The following SLC8A1 variants were observed in gnomAD, a reference collection of about 807,000 sequenced individuals.
SLC8A1 encodes solute carrier family 8 member A1, also known as sodium/calcium exchanger 1.
A neutral mutation model predicts 68.3 loss-of-function variants in SLC8A1; 18 were observed. The observed-to-expected ratio is 0.26, with a 90% CI of 0.18 to 0.39. The LOEUF (loss-of-function observed/expected upper bound fraction) is 0.39. SLC8A1 is among the 10% of genes least tolerant of loss of function. The pLI is 1.00. For missense variants in SLC8A1, 985 were observed against 1,156.7 expected, an observed-to-expected ratio of 0.85 and a Z score of 2.15; for synonymous variants, 475 against 415.5, an observed-to-expected ratio of 1.14 and a Z score of -1.74.
rs1209900250 is a variant in SLC8A1 at position 40,172,454 on chromosome 2, A to ATGAT, written c.1930+2367_1930+2370dup. Reference sequence around the variant, plus strand: ...GAACTTAATGAACTAACTACATGAAATGATAGAAACCTTTGTAGGAGGTGA... The same window carrying ATGAT: ...GAACTTAATGAACTAACTACATGAAATGATTGATAGAAACCTTTGTAGGAGGTGA... On this transcript the variant is annotated intron_variant, in intron 4 of 7. Coordinates refer to ENST00000406785, the Ensembl canonical transcript of SLC8A1. Among the ~76,000 whole-genome samples, 3 of 152,152 alleles carry ATGAT rather than the reference A, an allele frequency of 2.0e-5. No individual in the cohort carries two copies. In the East Asian group the frequency reaches 5.8e-4, roughly 29 times the overall value.
At chr2:40,326,289 TC>T (rs1399680385) in intron 2 of SLC8A1, among the ~76,000 whole-genome samples, 3 of 152,222 alleles carry the variant, frequency 2.0e-5, no homozygotes, top group Admixed American at 6.5e-5. Flanking sequence ...CTGCTAAACC[TC>T]CTACTTTTGG....
chr2:40,302,648 C>T (rs990587552), intron 2 of SLC8A1, among the ~76,000 whole-genome samples: 1 of 151,372 alleles, frequency 6.6e-6, no homozygotes, highest in African/African-American at 2.4e-5. Context: ...TGACTGAGGG[C>T]ATTTGGGCTG....
chr2:40,489,812 A>C (rs986936252), intron 1 of SLC8A1, among the ~76,000 whole-genome samples: 1 of 151,972 alleles, frequency 6.6e-6, no homozygotes, highest in African/African-American at 2.4e-5. Context: ...AAGGATCAGA[A>C]GGTTTGCTGC....
Position 40,334,895 on chromosome 2 carries a change from AG to A in SLC8A1, c.1808+93577del, listed in dbSNP as rs977769126. Among the ~76,000 whole-genome samples the A allele has an allele frequency of 3.1e-4, 47 of 152,280 alleles. 1 individual carries two copies. In the East Asian group the frequency reaches 4.8e-3, roughly 16 times the overall value. On this transcript the variant is annotated intron_variant, in intron 2 of 7. Transcript: ENST00000406785. ...CTAGTCCCTCAGCCTTTAGGGGGTG[AG>A]GGGGCAGCAGTAGGCTTCATGTCAC...
intron 2 of SLC8A1, among the ~76,000 whole-genome samples, chr2:40,252,901 GTATGTA>G (rs1345156594): frequency 0.017 from 365 of 20,872 alleles, 4 homozygotes; most frequent in Middle Eastern, 0.12. Context: ...AATTTTATAT[GTATGTA>G]TATGTGTATA....
intron 2 of SLC8A1, among the ~76,000 whole-genome samples, chr2:40,390,427 G>A (rs1684908826): frequency 6.6e-6 from 1 of 152,050 alleles, no homozygotes; most frequent in South Asian, 2.1e-4. Flanking sequence ...AATAGTTACA[G>A]AAACATAATT....
intron 1 of SLC8A1, among the ~76,000 whole-genome samples, chr2:40,482,735 A>C (rs1251972749): frequency 6.6e-6 from 1 of 151,818 alleles, no homozygotes; most frequent in African/African-American, 2.4e-5. Flanking sequence ...TGTTTTCTGA[A>C]ACCCAGAGAG....
At chr2:40,453,603 CT>C (rs1702810448), upstream of SLC8A1, among the ~76,000 whole-genome samples, 1 of 152,184 alleles carries the variant, frequency 6.6e-6, no homozygotes, top group African/African-American at 2.4e-5. Context: ...CACCCCCAAA[CT>C]GATTAACTTT....
chr2:40,284,410 TATAG>T (rs1371164548), intron 2 of SLC8A1, among the ~76,000 whole-genome samples: 3 of 147,342 alleles, frequency 2.0e-5, no homozygotes, highest in Non-Finnish European at 4.5e-5. Context: ...CATATATTTA[TATAG>T]AGAGATCTAT....
chr2:40,382,431 T>C (rs1682152229), intron 2 of SLC8A1, among the ~76,000 whole-genome samples: 1 of 152,152 alleles, frequency 6.6e-6, no homozygotes, highest in Non-Finnish European at 1.5e-5. Context: ...ATCACTTTTG[T>C]TACCGTAATT....
At chr2:40,350,273 G>C (rs1346813262) in intron 2 of SLC8A1, among the ~76,000 whole-genome samples, 1 of 152,044 alleles carries the variant, frequency 6.6e-6, no homozygotes, top group Admixed American at 6.6e-5. Context: ...CTTGAGCCCA[G>C]GAGTTCAAGA....
chr2:40,170,453 T>G lies in SLC8A1; in HGVS notation c.1930+4372A>C, dbSNP rs902171468. 18 of 938,120 alleles carry G rather than the reference T, an allele frequency of 1.9e-5. No individual in the cohort carries two copies. In the African/African-American group the frequency reaches 2.1e-4, roughly 11 times the overall value. The allele number at this position is 938,120 out of a possible 1,614,324, so 58.1% of individuals were successfully genotyped here. ...TAAACATCACACCCAGATGCACACA[T>G]CACAAGCAACGTTAGTTTGGGGATT... On this transcript the variant is annotated intron_variant, in intron 4 of 7. Transcript: ENST00000406785.
chr2:40,264,886 A>G (rs1442760925), intron 2 of SLC8A1, among the ~76,000 whole-genome samples: 1 of 152,210 alleles, frequency 6.6e-6, no homozygotes, highest in Non-Finnish European at 1.5e-5. Context: ...ATGACCATTA[A>G]TTATAGCAAC....
At chr2:40,343,773 C>T (rs1668424513) in intron 2 of SLC8A1, among the ~76,000 whole-genome samples, 1 of 152,138 alleles carries the variant, frequency 6.6e-6, no homozygotes, top group Non-Finnish European at 1.5e-5. Flanking sequence ...TTGAAAATTA[C>T]ATTGGGAAAT....
intron 2 of SLC8A1, among the ~76,000 whole-genome samples, chr2:40,428,003 AG>A (rs1397171486): frequency 1.3e-5 from 2 of 152,178 alleles, no homozygotes; most frequent in African/African-American, 4.8e-5. Flanking sequence ...ATTTTCAGCC[AG>A]CCCTGGTAGC....
chr2:40,335,404 T>C (rs187055435), intron 2 of SLC8A1, among the ~76,000 whole-genome samples: 60 of 152,308 alleles, frequency 3.9e-4, no homozygotes, highest in Admixed American at 7.8e-4. Flanking sequence ...GAAAGCACAC[T>C]CCCTGTAATT....
chr2:40,333,488 T>C (rs2076650307), intron 2 of SLC8A1, among the ~76,000 whole-genome samples: 2 of 151,522 alleles, frequency 1.3e-5, no homozygotes, highest in South Asian at 2.1e-4. Flanking sequence ...GTGTCTTTTA[T>C]TCCCAAGCTA....
chr2:40,170,339 G>A (rs2047255387), intron 4 of SLC8A1: 1 of 1,613,946 alleles, frequency 6.2e-7, no homozygotes, highest in African/African-American at 1.3e-5. Context: ...CCTTCCTGAA[G>A]ACAGGTTGGC....
chr2:40,100,989 G>A (rs2033857889), exon 8 of SLC8A1: 1 of 152,068 alleles, frequency 6.6e-6, no homozygotes, highest in Non-Finnish European at 1.5e-5. Flanking sequence ...TTGCTTTTGT[G>A]TATCAAAATG....
Sources: allele counts gnomAD v4.1 joint callset (sites outside exome capture counted in the v4.1 genomes callset), GRCh38; gene constraint gnomAD v4.1.1; transcripts MANE v1.5; gene names NCBI Gene and HGNC (gene_info 2026-07-23, HGNC 2026-07-21).